C1QTNF1: variants seen among roughly 807,000 people sequenced by gnomAD.
C1QTNF1 encodes the protein complement C1q tumor necrosis factor-related protein 1.
In C1QTNF1, 22 loss-of-function variants were observed where a neutral mutation model predicts 27.8. The ratio of observed to expected loss-of-function variants is 0.79; its 90% CI spans 0.56 to 1.13. The LOEUF is 1.13. Ranked by LOEUF, C1QTNF1 falls within the 50% of genes most tolerant of loss-of-function variation. The pLI, the probability that C1QTNF1 is intolerant of heterozygous loss-of-function variation, is 0.00. For missense variants in C1QTNF1, 373 were observed against 380.2 expected, an observed-to-expected ratio of 0.98 and a Z score of 0.16; for synonymous variants, 166 against 154.3, an observed-to-expected ratio of 1.08 and a Z score of -0.56.
upstream of C1QTNF1, chr17:79,024,100 C>T (rs1045887262): frequency 1.3e-5 from 2 of 152,476 alleles, no homozygotes; most frequent in Non-Finnish European, 1.5e-5. Flanking sequence ...GCGGGGCACA[C>T]ACGGTTAATC....
At chr17:79,023,431 G>A (rs984865868), upstream of C1QTNF1, among the ~76,000 whole-genome samples, 12 of 152,182 alleles carry the variant, frequency 7.9e-5, no homozygotes, top group Non-Finnish European at 1.8e-4. Context: ...CTGGATCAGG[G>A]ATCAGGATGG....
At chr17:79,044,578 C>G (rs983828231) in intron 2 of C1QTNF1, among the ~76,000 whole-genome samples, 60 of 152,212 alleles carry the variant, frequency 3.9e-4, no homozygotes, top group African/African-American at 1.1e-3. Context: ...TATCACACTG[C>G]AGGACAGGAG....
At chr17:79,040,065 G>A (rs554227449) in intron 1 of C1QTNF1, among the ~76,000 whole-genome samples, 6 of 152,326 alleles carry the variant, frequency 3.9e-5, no homozygotes, top group Non-Finnish European at 7.3e-5. Context: ...GTGATTCAGG[G>A]TGCTGCAGGA....
intron 1 of C1QTNF1, among the ~76,000 whole-genome samples, chr17:79,035,476 G>A (rs2072243926): frequency 6.6e-6 from 1 of 151,368 alleles, no homozygotes; most frequent in South Asian, 2.1e-4. Context: ...TGTTGCACAG[G>A]TTGGAGTGCA....
intron 2 of C1QTNF1, among the ~76,000 whole-genome samples, chr17:79,045,357 G>T (rs1216341940): frequency 6.6e-6 from 1 of 152,092 alleles, no homozygotes; most frequent in Non-Finnish European, 1.5e-5. Context: ...GTTGGGGAGG[G>T]TCTCACCTGA....
rs373802984 is a variant in C1QTNF1, at chr17:79,047,696, C to T, written c.454C>T (p.Arg152Trp). 36 of 1,613,846 alleles carry T rather than the reference C, an allele frequency of 2.2e-5. No individual in the cohort carries two copies. The highest frequency in any genetic ancestry group is 1.6e-4 in the Middle Eastern group (1 of 6,084). ...CCACTACGCCGCCTTTTCGGTGGGCCGGAAGAAGCCCATGCACAGCAACCA... is the reference window on the plus strand; with the variant it reads ...CCACTACGCCGCCTTTTCGGTGGGCTGGAAGAAGCCCATGCACAGCAACCA... ...KSHYAAFSVG[R>W]KKPMHSNHYY... Residue 152 changes from arginine to tryptophan, a missense_variant, in exon 4 of 4, where the codon CGG becomes TGG. By Grantham distance (101) the Arg-to-Trp change is moderately radical. Coordinates refer to ENST00000579760, the MANE Select transcript of C1QTNF1 (RefSeq NM_030968.5).
chr17:79,040,949 C>T (rs767804374), intron 1 of C1QTNF1, among the ~76,000 whole-genome samples: 2 of 151,984 alleles, frequency 1.3e-5, no homozygotes, highest in African/African-American at 2.4e-5. Flanking sequence ...TCTGTTTTCT[C>T]ATTTACATAT....
At position 79,049,265 on chromosome 17, in the gene C1QTNF1, T is replaced by G. The variant is rs556137587; in HGVS notation, c.*1177T>G. 39 of 152,388 alleles carry G rather than the reference T, an allele frequency of 2.6e-4. No homozygotes were observed. The highest frequency in any genetic ancestry group is 9.4e-4 in the African/African-American group (39 of 41,570). The allele number at this position is 152,388 out of a possible 1,614,324, so 9.4% of individuals were successfully genotyped here. Reference sequence around the variant, plus strand: ...GGCTAGAAAGCTCCCGCTTGTCTGTTTCTCAGGCTCCTGTGAGCCTCAGTC... The same window carrying G: ...GGCTAGAAAGCTCCCGCTTGTCTGTGTCTCAGGCTCCTGTGAGCCTCAGTC... On this transcript the variant is annotated 3_prime_UTR_variant, in exon 4 of 4. Coordinates refer to ENST00000579760, the MANE Select transcript of C1QTNF1 (RefSeq NM_030968.5). The surrounding 1 kb of genome is among the most constrained non-coding windows in gnomAD (Gnocchi z 4.4).
chr17:79,025,501 A>G (rs1001084750), intron 1 of C1QTNF1, among the ~76,000 whole-genome samples: 4 of 152,072 alleles, frequency 2.6e-5, no homozygotes, highest in African/African-American at 7.2e-5. Flanking sequence ...AGCTTTGAAC[A>G]TGAGAAATGC....
chr17:79,032,669 G>A (rs955398720), intron 1 of C1QTNF1, among the ~76,000 whole-genome samples: 16 of 152,174 alleles, frequency 1.1e-4, no homozygotes, highest in South Asian at 6.2e-4. Context: ...GGGACCCCGC[G>A]TGATGGCATG....
intron 1 of C1QTNF1, among the ~76,000 whole-genome samples, chr17:79,031,008 CTT>C (rs11335486): frequency 1.2e-4 from 17 of 137,906 alleles, no homozygotes; most frequent in African/African-American, 8.0e-5. Flanking sequence ...CTTTTCTTTT[CTT>C]TTTTTTTTTT....
chr17:79,025,534 C>A (rs1010723481), intron 1 of C1QTNF1: 1 of 152,320 alleles, frequency 6.6e-6, no homozygotes, highest in African/African-American at 2.4e-5. Context: ...TTTTCTCCAC[C>A]GCTGGCCACT....
rs144154530 is a variant in C1QTNF1 at position 79,041,569 on chromosome 17, G to C, written c.-14-2386G>C. On this transcript the variant is annotated intron_variant, in intron 1 of 3. Coordinates refer to ENST00000579760, the MANE Select transcript of C1QTNF1 (RefSeq NM_030968.5). ...GAGGTGGGTGGATCACTTGAGGTCA[G>C]AAGTTCCAGACCAGCCTGGCCAACG... Among the ~76,000 whole-genome samples, 309 of 152,294 alleles carry C rather than the reference G, an allele frequency of 2.0e-3. 1 individual carries two copies. The highest frequency in any genetic ancestry group is 3.8e-3 in the Non-Finnish European group (256 of 68,024).
intron 1 of C1QTNF1, among the ~76,000 whole-genome samples, chr17:79,039,844 CAT>C (rs544027379): frequency 8.0e-4 from 121 of 150,604 alleles, no homozygotes; most frequent in African/African-American, 2.9e-3. Flanking sequence ...TATATGTAAA[CAT>C]GTGTATGTGT....
chr17:79,043,540 T>C (rs1201763532), intron 1 of C1QTNF1: 5 of 436,646 alleles, frequency 1.1e-5, no homozygotes, highest in Non-Finnish European at 2.3e-5. Context: ...GTAGGTTTCA[T>C]TGTTGAGACT....
intron 1 of C1QTNF1, among the ~76,000 whole-genome samples, chr17:79,033,091 CTT>C (rs1450567229): frequency 1.4e-5 from 2 of 147,032 alleles, no homozygotes; most frequent in African/African-American, 2.5e-5. Context: ...AAAAAAAAGT[CTT>C]AGCGCAGAGC....
In C1QTNF1 at chr17:79,046,405, G is replaced by A. The variant is rs890417901; in HGVS notation, c.156-150G>A. The A allele has an allele frequency of 1.9e-6, 2 of 1,076,748 alleles. No homozygotes were observed. The highest frequency in any genetic ancestry group is 1.6e-5 in the African/African-American group (1 of 63,504). 66.7% of individuals were successfully genotyped at this position (1,076,748 alleles called of 1,614,324 possible). On this transcript the variant is annotated intron_variant, in intron 2 of 3. Coordinates refer to ENST00000579760, the MANE Select transcript of C1QTNF1 (RefSeq NM_030968.5). The surrounding 1 kb of genome is among the most constrained non-coding windows in gnomAD (Gnocchi z 4.8). The stretch of plus-strand genomic sequence containing the variant: ...TAGTGAGGATCCCAGAGTGGGCCGT[G>A]AGCCCACCAGCGTGAACACAGAGCC...
rs551059349 is a variant in C1QTNF1 at position 79,043,316 on chromosome 17, G to C, written c.-14-639G>C. On this transcript the variant is annotated intron_variant, in intron 1 of 3. Coordinates refer to ENST00000579760, the MANE Select transcript of C1QTNF1 (RefSeq NM_030968.5). The stretch of plus-strand genomic sequence containing the variant: ...ATTTGGGTATGTGTGCATGTGAGTT[G>C]TGCATGTGTGTTGAGTGCATGTGAG... 73 of 453,572 alleles carry C rather than the reference G, an allele frequency of 1.6e-4. 1 individual carries two copies. Among genetic ancestry groups the C allele is most frequent in the South Asian group, 1.1e-3 (72 of 64,446 alleles). 28.1% of individuals were successfully genotyped at this position (453,572 alleles called of 1,614,324 possible). A position where few individuals can be genotyped will look rare whatever the true frequency, so the allele number is the denominator to read the frequency against.
Position 79,048,174 on chromosome 17 carries a change from G to T in C1QTNF1, c.*86G>T. The T allele has an allele frequency of 1.0e-6, 1 of 975,768 alleles. No homozygotes were observed. Among genetic ancestry groups the T allele is most frequent in the Non-Finnish European group, 1.3e-6 (1 of 750,098 alleles). 60.4% of individuals were successfully genotyped at this position (975,768 alleles called of 1,614,324 possible). On this transcript the variant is annotated 3_prime_UTR_variant, in exon 4 of 4. Coordinates refer to ENST00000579760, the MANE Select transcript of C1QTNF1 (RefSeq NM_030968.5). ...GCCTCTTCCCCGATCCCTGGACTCCGACTCCCTGGCTTTGGCATTCAGTGA... is the reference window on the plus strand; with the variant it reads ...GCCTCTTCCCCGATCCCTGGACTCCTACTCCCTGGCTTTGGCATTCAGTGA...
Sources: allele counts gnomAD v4.1 joint callset (sites outside exome capture counted in the v4.1 genomes callset), GRCh38; gene constraint gnomAD v4.1.1; non-coding constraint Gnocchi (gnomAD v3.1); transcripts MANE v1.5; gene names NCBI Gene and HGNC (gene_info 2026-07-23, HGNC 2026-07-21).